TLN1: variants seen among roughly 807,000 people sequenced by gnomAD.
The protein encoded by TLN1 is talin-1.
A neutral mutation model predicts 292.3 loss-of-function variants in TLN1; 56 were observed. The observed-to-expected ratio is 0.19, with a 90% CI of 0.15 to 0.24. TLN1 has a LOEUF of 0.24. Ranked by LOEUF, TLN1 falls within the 10% of genes least tolerant of loss-of-function variation. The pLI is 1.00. For missense variants in TLN1, 2,433 were observed against 3,248.2 expected (o/e 0.75, Z 6.10); for synonymous variants, 1,119 against 1,253.7 (o/e 0.89, Z 2.27).
In TLN1 at chr9:35,718,821, G is replaced by C. The variant is rs1825830759; in HGVS notation, c.1986C>G (p.Pro662=). ...TGGGTAAGTCACCAACCTGGAAGTG[G>C]GGGTCAGTATCACTTTCCCCAATTT... ...LQQIGESDTD[P]HFQDALMQLA... Residue 662 remains proline (P), a synonymous_variant, in exon 17 of 57, where the codon CCC becomes CCG. Transcript: ENST00000314888. 6.2e-7 allele frequency: 1 copy of C among 1,613,326 alleles called. No homozygotes were observed. Among genetic ancestry groups the C allele is most frequent in the Admixed American group, 1.7e-5 (1 of 59,938 alleles).
chr9:35,708,299 C>T, intron 34 of TLN1, 42 bp downstream of exon 34: 1 of 1,553,768 alleles, frequency 6.4e-7, no homozygotes. Flanking sequence ...GTCGGTCTGC[C>T]CTTTCCCAGA....
chr9:35,717,877 T>A lies in TLN1; in HGVS notation c.1996-91A>T. On this transcript the variant is annotated intron_variant, in intron 17 of 56. Transcript: ENST00000314888. The surrounding 1 kb of genome is among the most constrained non-coding windows in gnomAD (Gnocchi z 4.7). ...GCGTAAGCTGCTTCATTATTCCCAC[T>A]GATCCAATCAAAGGAGAGTGTACGC... 6.9e-7 allele frequency: 1 copy of A among 1,443,476 alleles called. No individual in the cohort carries two copies. Among genetic ancestry groups the A allele is most frequent in the Non-Finnish European group, 9.4e-7 (1 of 1,062,694 alleles). The allele number at this position is 1,443,476 out of a possible 1,614,324, so 89.4% of individuals were successfully genotyped here.
Position 35,708,382 on chromosome 9 carries a change from C to A in TLN1, c.4429G>T (p.Ala1477Ser). 6.2e-7 allele frequency: 1 copy of A among 1,611,152 alleles called. No individual in the cohort carries two copies. Among genetic ancestry groups the A allele is most frequent in the Non-Finnish European group, 8.5e-7 (1 of 1,178,428 alleles). The change falls in exon 34 of 57, where the codon GCC becomes TCC. Residue 1477 changes from alanine to serine, a missense_variant. Ala to Ser is a moderately conservative substitution (Grantham distance 99, BLOSUM62 1). Transcript: ENST00000314888. The part of the protein sequence containing the change: ...FARANQAIQM[A>S]CQSLGEPGCT... ...CCAGGCTCTCCCAAACTCTGGCAGG[C>A]CATCTGAATTGCCTGGTTTGCACGG...
In TLN1 at chr9:35,714,921, C is replaced by A. The variant is rs772252276; in HGVS notation, c.2755-45G>T. On this transcript the variant is annotated intron_variant, in intron 21 of 56. Transcript: ENST00000314888. The surrounding 1 kb of genome is among the most constrained non-coding windows in gnomAD (Gnocchi z 4.6). ...CAGACCAAGCCCATGGATTCCCATGCCCAGCCCAGTCCCTGGCCTACCTTG... is the reference window on the plus strand; with the variant it reads ...CAGACCAAGCCCATGGATTCCCATGACCAGCCCAGTCCCTGGCCTACCTTG... 5.0e-6 allele frequency: 8 copies of A among 1,600,696 alleles called. No homozygotes were observed. The East Asian group carries it at 1.1e-4, about 22-fold the overall frequency.
chr9:35,721,283 T>A (rs1825874671), intron 10 of TLN1, among the ~76,000 whole-genome samples: 2 of 152,246 alleles, frequency 1.3e-5, no homozygotes. Context: ...GTCATTAGGG[T>A]ACTTTATCAA....
chr9:35,716,568 G>C lies in TLN1; in HGVS notation c.2459-12C>G. ...TCGCACCATCTCCCCTGAGAGCATA[G>C]GGCACAGTCAGGCGAGGAAGCCAGA... On this transcript the variant is annotated splice_polypyrimidine_tract_variant and intron_variant, in intron 19 of 56. Coordinates refer to ENST00000314888, the MANE Select transcript of TLN1 (RefSeq NM_006289.4). 1 of 1,612,250 alleles carries C rather than the reference G, an allele frequency of 6.2e-7. No homozygotes were observed.
chr9:35,722,284 G>T (rs1825890001), intron 8 of TLN1, 61 bp from the exon 9 acceptor site: 1 of 1,433,970 alleles, frequency 7.0e-7, no homozygotes, highest in Non-Finnish European at 9.8e-7. Flanking sequence ...AGGAATTAAG[G>T]TTGGATGCTA....
chr9:35,724,368 C>G lies in TLN1; in HGVS notation c.512-34G>C. The stretch of plus-strand genomic sequence containing the variant: ...CAGACAGTCCCCTCAGTGCCAAACC[C>G]CCATGGCCCCTGTGCTGTCTGGTCT... On this transcript the variant is annotated intron_variant, in intron 5 of 56. Coordinates refer to ENST00000314888, the MANE Select transcript of TLN1 (RefSeq NM_006289.4). This position sits in a 1 kb window ranked among gnomAD's most constrained non-coding sequence, Gnocchi z 4.7. 6.2e-7 allele frequency: 1 copy of G among 1,613,110 alleles called. No individual in the cohort carries two copies. The highest frequency in any genetic ancestry group is 8.5e-7 in the Non-Finnish European group (1 of 1,179,200).
At position 35,703,640 on chromosome 9, in the gene TLN1, C is replaced by G. The variant is rs1418532640; in HGVS notation, c.6394G>C (p.Val2132Leu). Residue 2132 changes from valine (V) to leucine (L), a missense_variant, in exon 48 of 57, where the codon GTA becomes CTA. Coordinates refer to ENST00000314888, the MANE Select transcript of TLN1 (RefSeq NM_006289.4). Reference sequence around the variant, plus strand: ...GTGGCCTCATCTTCCACGGCTTTTACTGTCTTAAGCAATGATGTCACATTG... The same window carrying G: ...GTGGCCTCATCTTCCACGGCTTTTAGTGTCTTAAGCAATGATGTCACATTG... ...VTNVTSLLKT[V>L]KAVEDEATKG... 1 of 1,614,190 alleles carries G rather than the reference C, an allele frequency of 6.2e-7. No homozygotes were observed. The highest frequency in any genetic ancestry group is 1.3e-5 in the African/African-American group (1 of 75,050).
intron 25 of TLN1, among the ~76,000 whole-genome samples, chr9:35,713,646 T>C (rs1825717566): frequency 6.7e-6 from 1 of 149,996 alleles, no homozygotes; most frequent in Non-Finnish European, 1.5e-5. Flanking sequence ...ATTGCACAAC[T>C]GCACTACAGT....
intron 27 of TLN1, 88 bp from the exon 28 acceptor site, chr9:35,712,212 T>G: frequency 1.1e-5 from 17 of 1,478,624 alleles, no homozygotes; most frequent in Non-Finnish European, 1.5e-5. Flanking sequence ...TGACTAGCTC[T>G]ACTGCCTCTG....
intron 27 of TLN1, among the ~76,000 whole-genome samples, 197 bp from the exon 28 acceptor site, chr9:35,712,321 C>T (rs1303249140): frequency 3.3e-5 from 5 of 152,170 alleles, no homozygotes; most frequent in Non-Finnish European, 7.4e-5. Flanking sequence ...TTTAGCTCAG[C>T]CCATGACTGA....
intron 1 of TLN1, among the ~76,000 whole-genome samples, chr9:35,729,628 G>A (rs569284175): frequency 1.6e-4 from 25 of 152,306 alleles, no homozygotes; most frequent in African/African-American, 6.0e-4. Context: ...TAATGAAGCC[G>A]GAGTTGGAAT....
intron 27 of TLN1, 31 bp downstream of exon 27, chr9:35,712,804 G>C: frequency 1.3e-6 from 2 of 1,539,134 alleles, no homozygotes; most frequent in South Asian, 1.2e-5. Flanking sequence ...GAACCTGGGG[G>C]AGAGGGAGTG....
chr9:35,697,934 G>A lies in TLN1; in HGVS notation c.7501-18C>T, dbSNP rs200460644. ...GCGATGATCTGAGGGTGGAGATCGG[G>A]GACTTAGTTCAGTGAGGATGCACAG... On this transcript the variant is annotated intron_variant, in intron 56 of 56. Coordinates refer to ENST00000314888, the MANE Select transcript of TLN1 (RefSeq NM_006289.4). The A allele has an allele frequency of 5.6e-6, 9 of 1,613,980 alleles. No homozygotes were observed. The highest frequency in any genetic ancestry group is 6.8e-6 in the Non-Finnish European group (8 of 1,180,012).
chr9:35,720,841 C>T lies in TLN1; in HGVS notation c.1177G>A (p.Ala393Thr). 2 of 1,614,112 alleles carry T rather than the reference C, an allele frequency of 1.2e-6. No individual in the cohort carries two copies. The highest frequency in any genetic ancestry group is 1.7e-6 in the Non-Finnish European group (2 of 1,180,010). The change falls in exon 11 of 57, where the codon GCC (alanine) becomes ACC (threonine). Residue 393 changes from alanine to threonine, a missense_variant. By Grantham distance (58) the Ala-to-Thr change is moderately conservative. Coordinates refer to ENST00000314888, the MANE Select transcript of TLN1 (RefSeq NM_006289.4). ...TEGEQIAQLI[A>T]GYIDIILKKK... ...TTCAGGATGATATCGATGTAGCCGG[C>T]AATGAGCTGTGCAATCTGCTCCCCT... is the stretch of plus-strand genomic sequence containing the variant.
chr9:35,725,836 A>G (rs1763205084), intron 1 of TLN1, 109 bp from the exon 2 acceptor site: 1 of 882,234 alleles, frequency 1.1e-6, no homozygotes, highest in East Asian at 2.5e-5. Flanking sequence ...TCACCAAAGT[A>G]GATGGTAATA....
At chr9:35,728,092 C>G (rs141787114) in intron 1 of TLN1, among the ~76,000 whole-genome samples, 2 of 152,318 alleles carry the variant, frequency 1.3e-5, no homozygotes, top group East Asian at 3.9e-4. Flanking sequence ...GGAACTCCTC[C>G]TCCCTCAATA....
intron 1 of TLN1, among the ~76,000 whole-genome samples, chr9:35,727,260 G>T (rs757101225): frequency 2.6e-5 from 4 of 152,206 alleles, no homozygotes; most frequent in Non-Finnish European, 5.9e-5. Flanking sequence ...GGGTGAGAGG[G>T]GAAGGCTGGA....
Sources: gnomAD v4.1 joint callset for allele counts (sites outside exome capture counted in the v4.1 genomes callset) on GRCh38, gnomAD v4.1.1 for gene constraint, Gnocchi (gnomAD v3.1) non-coding constraint, MANE v1.5 for transcripts, NCBI Gene and HGNC (gene_info 2026-07-23, HGNC 2026-07-21) for gene names.